DNAH5: variants seen among roughly 807,000 people sequenced by gnomAD.
The protein encoded by DNAH5 is dynein axonemal heavy chain 5, also known as axonemal beta dynein heavy chain 5.
Under a neutral mutation model 518.2 loss-of-function variants are expected in DNAH5, and 372 were observed. The observed-to-expected ratio is 0.72, with a 90% confidence interval of 0.66 to 0.78. The LOEUF (loss-of-function observed/expected upper bound fraction) is 0.78, where lower values mean the gene tolerates loss of function less well. Ranked by LOEUF, DNAH5 falls within the 30% of genes least tolerant of loss-of-function variation. DNAH5 has a pLI of 0.00. For synonymous variants in DNAH5, 2,039 were observed against 2,025.9 expected (o/e 1.01, Z -0.17); for missense variants, 5,523 against 5,687.0 (o/e 0.97, Z 0.93).
intron 16 of DNAH5, among the ~76,000 whole-genome samples, chr5:13,892,533 T>C (rs1773402731): frequency 6.6e-6 from 1 of 152,198 alleles, no homozygotes; most frequent in African/African-American, 2.4e-5. Context: ...AACTTCATCT[T>C]TGTTCTATTT....
At chr5:13,853,218 C>T (rs1767137699) in intron 30 of DNAH5, among the ~76,000 whole-genome samples, 1 of 152,172 alleles carries the variant, frequency 6.6e-6, no homozygotes. Context: ...CTGGTGATAC[C>T]CAGGCAAACA....
At chr5:13,905,611 G>A (rs540213151) in intron 12 of DNAH5, among the ~76,000 whole-genome samples, 3 of 152,096 alleles carry the variant, frequency 2.0e-5, no homozygotes, top group Non-Finnish European at 4.4e-5. Context: ...TAGAATGCTG[G>A]AAACACCAAA....
At chr5:13,791,449 T>C (rs969180044) in intron 50 of DNAH5, among the ~76,000 whole-genome samples, 33 of 148,702 alleles carry the variant, frequency 2.2e-4, no homozygotes, top group Admixed American at 6.1e-4. Flanking sequence ...CATTTTTCTA[T>C]TAAATGAACT....
In DNAH5 at chr5:13,701,353, A is replaced by G; in HGVS notation, c.13422T>C (p.Asn4474=). 6.2e-7 allele frequency: 1 copy of G among 1,614,156 alleles called. No individual in the cohort carries two copies. Among genetic ancestry groups the G allele is most frequent in the South Asian group, 1.1e-5 (1 of 91,082 alleles). The change falls in exon 77 of 79, where the codon AAT becomes AAC. Residue 4474 remains asparagine (N), a synonymous_variant. Coordinates refer to ENST00000265104, the MANE Select transcript of DNAH5 (RefSeq NM_001369.3). ...TCATCCAAAAGCAGTGAGGTCGGCC[A>G]TTGAAAACCCACGAGGTAAACTGGC... ...RNSQFTSWVF[N]GRPHCFWMTG... is the part of the protein sequence containing the mutation.
chr5:13,745,162 A>AT (rs1218469121), intron 65 of DNAH5, among the ~76,000 whole-genome samples: 6 of 151,922 alleles, frequency 3.9e-5, no homozygotes, highest in African/African-American at 9.7e-5. Context: ...TGGAACATAG[A>AT]TTTTTTTTAA....
At chr5:13,735,746 G>A in intron 67 of DNAH5, 72 bp downstream of exon 67, 2 of 1,148,586 alleles carry the variant, frequency 1.7e-6, no homozygotes, top group South Asian at 1.2e-5. Flanking sequence ...GGAGAAGGAA[G>A]TTATAAATGT....
chr5:13,787,703 G>A (rs535303059), intron 51 of DNAH5, among the ~76,000 whole-genome samples: 3 of 147,142 alleles, frequency 2.0e-5, no homozygotes, highest in African/African-American at 7.5e-5. Context: ...TAATTACCTT[G>A]TAAGATGCCC....
chr5:13,918,560 TC>T (rs1222281943), intron 7 of DNAH5, among the ~76,000 whole-genome samples: 2 of 152,088 alleles, frequency 1.3e-5, no homozygotes, highest in Non-Finnish European at 2.9e-5. Flanking sequence ...AACCTCCACC[TC>T]CCGGGTTCAA....
At chr5:13,918,059 C>G (rs1195741571) in intron 7 of DNAH5, among the ~76,000 whole-genome samples, 1 of 152,188 alleles carries the variant, frequency 6.6e-6, no homozygotes, top group Non-Finnish European at 1.5e-5. Flanking sequence ...TCTCCTTGAT[C>G]ATGGGCTGAA....
chr5:13,984,619 G>A (rs1782906107), intron 1 of DNAH5, among the ~76,000 whole-genome samples: 1 of 152,192 alleles, frequency 6.6e-6, no homozygotes, highest in Non-Finnish European at 1.5e-5. Flanking sequence ...TTTTCAAAGG[G>A]AATGCTTCCA....
In DNAH5 at chr5:13,864,623, G is replaced by A. The variant is rs1308493849; in HGVS notation, c.4370C>T (p.Pro1457Leu). ...AGCCTGCCAGTCCTTCAAGGCCCGG[G>A]GAAGCTTTCGACATCTGTGAAGGGA... ...LEFQNRCRKL[P>L]RALKDWQAFL... The change falls in exon 28 of 79, where the codon CCC becomes CTC. Residue 1457 changes from proline (P) to leucine (L), a missense_variant. Coordinates refer to ENST00000265104, the MANE Select transcript of DNAH5 (RefSeq NM_001369.3). The A allele has an allele frequency of 1.9e-6, 3 of 1,614,112 alleles. No individual in the cohort carries two copies. Among genetic ancestry groups the A allele is most frequent in the South Asian group, 1.1e-5 (1 of 91,082 alleles).
intron 1 of DNAH5, among the ~76,000 whole-genome samples, chr5:13,993,423 C>A (rs1358311900): frequency 6.6e-6 from 1 of 152,080 alleles, no homozygotes; most frequent in Non-Finnish European, 1.5e-5. Context: ...GGACCCAATA[C>A]CCAAAGATTC....
intron 53 of DNAH5, among the ~76,000 whole-genome samples, chr5:13,780,168 T>C (rs762697462): frequency 6.6e-6 from 1 of 152,222 alleles, no homozygotes; most frequent in African/African-American, 2.4e-5. Context: ...GTCTTCCTCA[T>C]ATTGAGGTTT....
rs766931764 is a variant in DNAH5 at position 13,885,187 on chromosome 5, T to C, written c.2785A>G (p.Ile929Val). 5.0e-6 allele frequency: 8 copies of C among 1,614,100 alleles called. No homozygotes were observed. The highest frequency in any genetic ancestry group is 2.5e-6 in the Non-Finnish European group (3 of 1,180,028). The change falls in exon 19 of 79, where the codon ATT (isoleucine) becomes GTT (valine). Residue 929 changes from isoleucine (I) to valine (V), a missense_variant. Ile to Val is a conservative substitution (Grantham distance 29). Coordinates refer to ENST00000265104, the MANE Select transcript of DNAH5 (RefSeq NM_001369.3). ...AGCAGGGCATTGGCCCTGGCATTAA[T>C]AGATGATGTCAAGGTGTCAAAATTT... is the stretch of plus-strand genomic sequence containing the variant. ...EGNFDTLTSS[I>V]NARANALLLT...
intron 22 of DNAH5, among the ~76,000 whole-genome samples, chr5:13,875,398 C>T (rs530016249): frequency 7.2e-6 from 1 of 139,442 alleles, no homozygotes; most frequent in African/African-American, 2.7e-5. Context: ...ACCTGGGATG[C>T]AGAGGTTGCA....
intron 41 of DNAH5, 49 bp downstream of exon 41, chr5:13,820,297 C>T (rs368946389): frequency 6.3e-7 from 1 of 1,598,086 alleles, no homozygotes; most frequent in East Asian, 2.2e-5. Context: ...AAATGGGTCA[C>T]CACTACTTAA....
intron 19 of DNAH5, among the ~76,000 whole-genome samples, chr5:13,884,374 T>C (rs773600373): frequency 2.6e-5 from 4 of 152,244 alleles, no homozygotes; most frequent in African/African-American, 4.8e-5. Flanking sequence ...AGATTAAACG[T>C]ACTACCAATT....
chr5:13,761,309 T>C (rs1054433758), intron 60 of DNAH5, among the ~76,000 whole-genome samples: 2 of 152,180 alleles, frequency 1.3e-5, no homozygotes, highest in Non-Finnish European at 2.9e-5. Context: ...TAAGACACTA[T>C]GTGGCCGGGC....
chr5:13,720,377 G>A (rs950796611), intron 71 of DNAH5, among the ~76,000 whole-genome samples: 1 of 152,150 alleles, frequency 6.6e-6, no homozygotes, highest in African/African-American at 2.4e-5. Context: ...ACCCTGACCT[G>A]AGTTTCCTTC....
Sources: gnomAD v4.1 joint callset for allele counts (sites outside exome capture counted in the v4.1 genomes callset) on GRCh38, gnomAD v4.1.1 for gene constraint, MANE v1.5 for transcripts, NCBI Gene and HGNC (gene_info 2026-07-23, HGNC 2026-07-21) for gene names.